Variants in ARFGEF3 observed in about 807,000 individuals in gnomAD.
The protein encoded by ARFGEF3 is brefeldin A-inhibited guanine nucleotide-exchange protein 3.
Under a neutral mutation model 221.7 loss-of-function variants are expected in ARFGEF3, and 96 were observed. That is an observed-to-expected ratio of 0.43 (90% CI 0.37 to 0.51). The LOEUF (loss-of-function observed/expected upper bound fraction) is 0.51. Among genes scored for constraint, ARFGEF3 ranks in the 20% least tolerant of loss-of-function variants. The pLI, the probability that ARFGEF3 is intolerant of heterozygous loss-of-function variation, is 0.00. For synonymous variants in ARFGEF3, 1,145 were observed against 1,126.8 expected (o/e 1.02, Z -0.32); for missense variants, 2,410 against 2,789.9 (o/e 0.86, Z 3.07).
intron 30 of ARFGEF3, 23 bp from the exon 31 acceptor site, chr6:138,324,000 G>A (rs1780083233): frequency 1.2e-6 from 2 of 1,609,674 alleles, no homozygotes; most frequent in Non-Finnish European, 1.7e-6. Context: ...TGCATTCAGT[G>A]AGCATCTGCT....
chr6:138,321,312 C>T (rs1173149688), intron 29 of ARFGEF3, 87 bp downstream of exon 29: 24 of 754,616 alleles, frequency 3.2e-5, no homozygotes, highest in Admixed American at 1.2e-4. Flanking sequence ...TGGTAGGAAT[C>T]GACTTTTTGG....
At position 138,307,305 on chromosome 6, in the gene ARFGEF3, C is replaced by T. The variant is rs1427715987; in HGVS notation, c.3881C>T (p.Ser1294Leu). ...GAAGTGTGTTCCACGCAGATCCAGT[C>T]GGGATGGAGACCCTTGTTCAGTGCC... is the stretch of plus-strand genomic sequence containing the variant. ...LVEVCSTQIQ[S>L]GWRPLFSALE... The change falls in exon 23 of 34, where the codon TCG becomes TTG. Residue 1294 changes from serine (S) to leucine (L), a missense_variant. Physicochemically the swap from Ser to Leu is moderately radical, Grantham distance 145. Transcript: ENST00000251691. The T allele has an allele frequency of 1.2e-6, 2 of 1,613,964 alleles. No individual in the cohort carries two copies. The highest frequency in any genetic ancestry group is 1.7e-6 in the Non-Finnish European group (2 of 1,179,872).
chr6:138,231,655 A>G (rs1171491481), intron 5 of ARFGEF3, among the ~76,000 whole-genome samples: 4 of 152,228 alleles, frequency 2.6e-5, no homozygotes, highest in Non-Finnish European at 4.4e-5. Context: ...GCACCTTAAA[A>G]TAAACCATTT....
At chr6:138,212,950 A>C (rs1777759423) in intron 4 of ARFGEF3, among the ~76,000 whole-genome samples, 1 of 152,146 alleles carries the variant, frequency 6.6e-6, no homozygotes, top group South Asian at 2.1e-4. Context: ...AACATGGCAC[A>C]TGTATACCTA....
At chr6:138,232,251 A>T (rs1778206588) in intron 5 of ARFGEF3, among the ~76,000 whole-genome samples, 1 of 152,192 alleles carries the variant, frequency 6.6e-6, no homozygotes, top group Non-Finnish European at 1.5e-5. Flanking sequence ...TCATGCCTGT[A>T]ATCCCAGCAC....
At chr6:138,278,389 G>A in intron 12 of ARFGEF3, 62 bp from the exon 13 acceptor site, 1 of 1,521,908 alleles carries the variant, frequency 6.6e-7, no homozygotes, top group Non-Finnish European at 9.0e-7. Context: ...CAGCTCTCTG[G>A]AAGCCAGCCT....
intron 27 of ARFGEF3, among the ~76,000 whole-genome samples, chr6:138,317,784 C>T (rs1779952457): frequency 6.6e-6 from 1 of 152,114 alleles, no homozygotes; most frequent in Non-Finnish European, 1.5e-5. Flanking sequence ...CTGGGTCTTC[C>T]AGTAATATAA....
chr6:138,268,392 C>T (rs1778936036), intron 12 of ARFGEF3, among the ~76,000 whole-genome samples: 1 of 152,190 alleles, frequency 6.6e-6, no homozygotes, highest in South Asian at 2.1e-4. Flanking sequence ...TTCATCCCTA[C>T]CCTGTTATCA....
chr6:138,289,712 G>A, intron 17 of ARFGEF3, 106 bp from the exon 18 acceptor site: 1 of 1,241,420 alleles, frequency 8.1e-7, no homozygotes, highest in South Asian at 1.3e-5. Flanking sequence ...TGCCACTGAA[G>A]TCTGTCCTTT....
At chr6:138,256,778 TTTTATTTA>T (rs558137442) in intron 10 of ARFGEF3, among the ~76,000 whole-genome samples, 3 of 151,934 alleles carry the variant, frequency 2.0e-5, no homozygotes, top group African/African-American at 7.3e-5. Context: ...GTATATCAAC[TTTTATTTA>T]TTTATTTATT....
chr6:138,166,636 A>G (rs1776729099), intron 1 of ARFGEF3, among the ~76,000 whole-genome samples: 1 of 152,240 alleles, frequency 6.6e-6, no homozygotes, highest in Non-Finnish European at 1.5e-5. Context: ...AAAGGCAGAA[A>G]GAACTTCAGA....
At position 138,291,709 on chromosome 6, in the gene ARFGEF3, G is replaced by A; in HGVS notation, c.3048-24G>A. On this transcript the variant is annotated intron_variant, in intron 18 of 33. Coordinates refer to ENST00000251691, the MANE Select transcript of ARFGEF3 (RefSeq NM_020340.5). The surrounding 1 kb of genome is among the most constrained non-coding windows in gnomAD (Gnocchi z 4.5). ...CCGGGGTGAGCTGCAGCGCCTAACA[G>A]CTGCTTGTCTGTGCTCTTTCTAGGG... The A allele has an allele frequency of 7.6e-7, 1 of 1,315,526 alleles. No homozygotes were observed. Among genetic ancestry groups the A allele is most frequent in the Non-Finnish European group, 9.8e-7 (1 of 1,024,400 alleles). 81.5% of individuals were successfully genotyped at this position (1,315,526 alleles called of 1,614,324 possible). A position where few individuals can be genotyped will look rare whatever the true frequency, so the allele number is the denominator to read the frequency against.
chr6:138,237,396 A>G (rs1235990776), intron 5 of ARFGEF3, among the ~76,000 whole-genome samples: 1 of 152,230 alleles, frequency 6.6e-6, no homozygotes, highest in Non-Finnish European at 1.5e-5. Flanking sequence ...ATGGAGAGAA[A>G]AAAAGTAGGC....
chr6:138,184,574 G>A (rs1181381733), intron 2 of ARFGEF3, among the ~76,000 whole-genome samples: 5 of 152,202 alleles, frequency 3.3e-5, no homozygotes, highest in African/African-American at 1.2e-4. Context: ...CTCGTCCTGT[G>A]AATATAAAAG....
At position 138,336,457 on chromosome 6, in the gene ARFGEF3, G is replaced by A. The variant is rs1196461017; in HGVS notation, c.6505G>A (p.Val2169Met). Residue 2169 changes from valine (V) to methionine (M), a missense_variant, in exon 34 of 34, where the codon GTG becomes ATG. Physicochemically the swap from Val to Met is conservative, Grantham distance 21 (BLOSUM62 1). Around this residue, in one of 5 missense-constraint regions of ARFGEF3, gnomAD observed 339 missense variants for 334.9 expected, o/e 1.01. Transcript: ENST00000251691. ...GGCTGTGAGGGAGTGGCTGGGCAGG[G>A]TGGGCCGTGTCTATGACATCATTGT... ...RQAVREWLGR[V>M]GRVYDIIV is the part of the protein sequence containing the mutation. 2.5e-6 allele frequency: 4 copies of A among 1,611,392 alleles called. No individual in the cohort carries two copies. The highest frequency in any genetic ancestry group is 3.4e-6 in the Non-Finnish European group (4 of 1,178,836).
At chr6:138,234,972 A>G (rs1359687305) in intron 5 of ARFGEF3, among the ~76,000 whole-genome samples, 2 of 152,158 alleles carry the variant, frequency 1.3e-5, no homozygotes, top group African/African-American at 4.8e-5. Flanking sequence ...TTATTGTGGC[A>G]TCTTCTTTAA....
At chr6:138,285,870 A>G (rs1779277872) in intron 14 of ARFGEF3, 76 bp from the exon 15 acceptor site, 3 of 806,924 alleles carry the variant, frequency 3.7e-6, no homozygotes, top group African/African-American at 3.4e-5. Context: ...TTAAAAATGA[A>G]TATTGTGGTG....
chr6:138,219,828 G>A (rs1381945713), intron 4 of ARFGEF3, among the ~76,000 whole-genome samples: 1 of 152,020 alleles, frequency 6.6e-6, no homozygotes, highest in African/African-American at 2.4e-5. Flanking sequence ...TATTTTAAAA[G>A]ATGAATTTAA....
At chr6:138,230,944 A>C (rs774005433) in intron 5 of ARFGEF3, among the ~76,000 whole-genome samples, 6 of 152,200 alleles carry the variant, frequency 3.9e-5, no homozygotes, top group Non-Finnish European at 7.3e-5. Flanking sequence ...TTCTGAAAAT[A>C]GCAAGAAGCA....
Sources: gnomAD v4.1 joint callset for allele counts (sites outside exome capture counted in the v4.1 genomes callset) on GRCh38, gnomAD v4.1.1 for gene constraint, gnomAD v4.1.1 regional missense constraint, Gnocchi (gnomAD v3.1) non-coding constraint, MANE v1.5 for transcripts, NCBI Gene and HGNC (gene_info 2026-07-23, HGNC 2026-07-21) for gene names.